Variants in PPP2R3C observed in about 807,000 individuals in gnomAD.
PPP2R3C encodes protein phosphatase 2 regulatory subunit B''gamma, also known as serine/threonine-protein phosphatase 2A regulatory subunit B'' subunit gamma.
In PPP2R3C, 47 loss-of-function variants were observed where a neutral mutation model predicts 63.7. That is an observed-to-expected ratio of 0.74 (90% CI 0.58 to 0.94). The LOEUF (loss-of-function observed/expected upper bound fraction) is 0.94, where lower values mean the gene tolerates loss of function less well. Among genes scored for constraint, PPP2R3C ranks in the 40% least tolerant of loss-of-function variants. PPP2R3C has a pLI of 0.00. For synonymous variants in PPP2R3C, 180 were observed against 177.4 expected (o/e 1.01, Z -0.12); for missense variants, 421 against 518.4 (o/e 0.81, Z 1.82).
At chr14:35,101,999 ATTTAAAAGCC>A (rs2046206845) in intron 6 of PPP2R3C, 1 of 150,556 alleles carries the variant, frequency 6.6e-6, no homozygotes. Context: ...AGGATTATAA[ATTTAAAAGCC>A]TTCCATGGTT....
At chr14:35,091,793 T>C (rs1240221766) in intron 10 of PPP2R3C, among the ~76,000 whole-genome samples, 1 of 152,154 alleles carries the variant, frequency 6.6e-6, no homozygotes, top group Non-Finnish European at 1.5e-5. Flanking sequence ...CAATCTCAGC[T>C]CACTGAAACC....
intron 2 of PPP2R3C, among the ~76,000 whole-genome samples, chr14:35,114,731 G>A (rs553860719): frequency 7.9e-5 from 12 of 152,044 alleles, no homozygotes; most frequent in African/African-American, 1.7e-4. Flanking sequence ...GGTGGCTCAC[G>A]CCTGTAATCC....
chr14:35,092,599 T>C (rs997564282), intron 10 of PPP2R3C, among the ~76,000 whole-genome samples: 15 of 151,944 alleles, frequency 9.9e-5, no homozygotes, highest in Non-Finnish European at 1.9e-4. Context: ...CCTGAGTATC[T>C]GGGATTACAG....
At chr14:35,101,802 T>C (rs1479625826) in intron 6 of PPP2R3C, 1 of 152,182 alleles carries the variant, frequency 6.6e-6, no homozygotes, top group Non-Finnish European at 1.5e-5. Flanking sequence ...TTCTTCTTGA[T>C]TTCTGGGAGC....
rs144955472 is a variant in PPP2R3C at position 35,109,899 on chromosome 14, T to A, written c.324A>T (p.Thr108=). 2.5e-6 allele frequency: 4 copies of A among 1,611,056 alleles called. No individual in the cohort carries two copies. Among genetic ancestry groups the A allele is most frequent in the Non-Finnish European group, 3.4e-6 (4 of 1,177,906 alleles). Residue 108 remains threonine (T), a synonymous_variant, in exon 4 of 13, where the codon ACA becomes ACT. Coordinates refer to ENST00000261475, the MANE Select transcript of PPP2R3C (RefSeq NM_017917.4). ...TCGCTTCCTCTCCAATCATAGGTGG[T>A]GTCTGGTGTTTGTCCAGCAAAAACC... The part of the protein sequence containing the change: ...NLWFLLDKHQ[T]PPMIGEEAMI...
At chr14:35,115,111 C>A (rs954793375) in intron 2 of PPP2R3C, among the ~76,000 whole-genome samples, 3 of 151,542 alleles carry the variant, frequency 2.0e-5, no homozygotes, top group African/African-American at 7.3e-5. Flanking sequence ...GCTGGGACTA[C>A]AGGCGAATTG....
chr14:35,108,121 A>AAACTGAAT lies in PPP2R3C; in HGVS notation c.502+17_502+18insATTCAGTT. On this transcript the variant is annotated intron_variant, in intron 5 of 12. Transcript: ENST00000261475. ...TGATTCCCAGATAAGGAGTTCAAGC[A>AAACTGAAT]CAGTAAAAATGAATCACCTTTTCTC... is the stretch of plus-strand genomic sequence containing the variant. The AAACTGAAT allele has an allele frequency of 6.2e-7, 1 of 1,605,050 alleles. No individual in the cohort carries two copies. The highest frequency in any genetic ancestry group is 8.5e-7 in the Non-Finnish European group (1 of 1,177,788).
chr14:35,114,763 C>G (rs563298919), intron 2 of PPP2R3C, among the ~76,000 whole-genome samples: 43 of 152,174 alleles, frequency 2.8e-4, no homozygotes, highest in African/African-American at 9.6e-4. Context: ...GAGGCCGAGG[C>G]AGGTAGATCA....
intron 2 of PPP2R3C, among the ~76,000 whole-genome samples, chr14:35,111,266 T>G (rs925578578): frequency 2.1e-5 from 3 of 140,738 alleles, no homozygotes; most frequent in African/African-American, 8.0e-5. Flanking sequence ...AAGAATGATA[T>G]AGAAGAATTA....
intron 7 of PPP2R3C, among the ~76,000 whole-genome samples, chr14:35,098,489 G>A (rs1595093147): frequency 6.6e-6 from 1 of 151,062 alleles, no homozygotes; most frequent in African/African-American, 2.4e-5. Flanking sequence ...TGGGATTACA[G>A]GTGTGAGCCA....
At chr14:35,099,019 C>G in intron 7 of PPP2R3C, 1 of 395,122 alleles carries the variant, frequency 2.5e-6, no homozygotes, top group Non-Finnish European at 4.3e-6. Flanking sequence ...GTCCCCCCAT[C>G]TGTCACACAG....
rs759687610 is a variant in PPP2R3C, at chr14:35,096,702, C to T, written c.762+7G>A. 1.2e-6 allele frequency: 2 copies of T among 1,603,764 alleles called. No individual in the cohort carries two copies. Among genetic ancestry groups the T allele is most frequent in the East Asian group, 4.5e-5 (2 of 44,752 alleles). ...GTGATACAATTAAGTAGTTTAAAAA[C>T]ATTTACCTCCAATAAATCATCTAGG... On this transcript the variant is annotated splice_region_variant and intron_variant, in intron 8 of 12. Coordinates refer to ENST00000261475, the MANE Select transcript of PPP2R3C (RefSeq NM_017917.4).
At chr14:35,089,199 C>T (rs1365789819) in intron 11 of PPP2R3C, among the ~76,000 whole-genome samples, 3 of 152,098 alleles carry the variant, frequency 2.0e-5, no homozygotes, top group African/African-American at 7.2e-5. Context: ...ACCTCCCGGA[C>T]TCTAGTGATC....
intron 1 of PPP2R3C, among the ~76,000 whole-genome samples, chr14:35,120,717 T>C (rs1465734627): frequency 6.6e-6 from 1 of 151,488 alleles, no homozygotes; most frequent in Admixed American, 6.6e-5. Context: ...GAGGTGGAGG[T>C]AGGAAGACTG....
intron 5 of PPP2R3C, 189 bp downstream of exon 5, chr14:35,107,948 CAT>C (rs1318204177): frequency 5.1e-6 from 3 of 587,566 alleles, no homozygotes; most frequent in African/African-American, 1.9e-5. Context: ...CTTTAAGACA[CAT>C]GAGGGTTTAA....
chr14:35,103,321 C>T (rs1048535443), intron 6 of PPP2R3C, among the ~76,000 whole-genome samples: 1 of 152,112 alleles, frequency 6.6e-6, no homozygotes, highest in African/African-American at 2.4e-5. Flanking sequence ...TTAATTTTGC[C>T]TTGGAGACAC....
At chr14:35,108,770 A>T (rs2046444534) in intron 4 of PPP2R3C, among the ~76,000 whole-genome samples, 1 of 151,380 alleles carries the variant, frequency 6.6e-6, no homozygotes, top group Admixed American at 6.6e-5. Context: ...CTCCATCTCA[A>T]AAAAAAAGAT....
chr14:35,113,232 G>A (rs1036779760), intron 2 of PPP2R3C: 2 of 152,572 alleles, frequency 1.3e-5, no homozygotes, highest in Non-Finnish European at 2.9e-5. Flanking sequence ...TAGTTAACCA[G>A]CTAATCAGCC....
chr14:35,122,201 T>A, upstream of PPP2R3C: 1 of 530,038 alleles, frequency 1.9e-6, no homozygotes, highest in Non-Finnish European at 3.4e-6. Context: ...TGGTTCTCCT[T>A]CAGAGGCGAC....
Sources: allele counts gnomAD v4.1 joint callset (sites outside exome capture counted in the v4.1 genomes callset), GRCh38; gene constraint gnomAD v4.1.1; transcripts MANE v1.5; gene names NCBI Gene and HGNC (gene_info 2026-07-23, HGNC 2026-07-21).